SNX8: variants seen among roughly 807,000 people sequenced by gnomAD.
SNX8 encodes sorting nexin-8.
Under a neutral mutation model 51.6 loss-of-function variants are expected in SNX8, and 25 were observed. The ratio of observed to expected loss-of-function variants is 0.48; its 90% CI spans 0.35 to 0.68. The LOEUF (loss-of-function observed/expected upper bound fraction) is 0.68, where lower values mean the gene tolerates loss of function less well. Ranked by LOEUF, SNX8 falls within the 30% of genes least tolerant of loss-of-function variation. SNX8 has a pLI of 0.00. For synonymous variants in SNX8, 324 were observed against 277.0 expected, an observed-to-expected ratio of 1.17 and a Z score of -1.68; for missense variants, 695 against 624.0, an observed-to-expected ratio of 1.11 and a Z score of -1.21.
At chr7:2,281,033 TCCAC>T (rs1795894331) in intron 1 of SNX8, among the ~76,000 whole-genome samples, 1 of 152,066 alleles carries the variant, frequency 6.6e-6, no homozygotes, top group African/African-American at 2.4e-5. Flanking sequence ...CCTCAAATGA[TCCAC>T]CCACCTCAGC....
At chr7:2,256,320 G>C (rs546843074) in intron 10 of SNX8, among the ~76,000 whole-genome samples, 11 of 152,196 alleles carry the variant, frequency 7.2e-5, no homozygotes, top group Admixed American at 1.3e-4. Context: ...ACAGACCATG[G>C]CTTGAAAGCT....
rs1298028448 is a variant in SNX8 at position 2,264,379 on chromosome 7, T to A, written c.701A>T (p.Lys234Met). The change falls in exon 6 of 11, where the codon AAG (lysine) becomes ATG (methionine). Residue 234 changes from lysine (K) to methionine (M), a missense_variant. Lys to Met is a moderately conservative substitution (Grantham distance 95). Transcript: ENST00000222990. ...LIRNIYNSFH[K>M]LRDRAERIAS... ...GATCCGCTCGGCCCTGTCGCGAAGC[T>A]TGTGAAAGCTATTGTAGATGTTCCG... The A allele has an allele frequency of 4.3e-6, 7 of 1,612,986 alleles. No individual in the cohort carries two copies. The highest frequency in any genetic ancestry group is 5.1e-6 in the Non-Finnish European group (6 of 1,179,998).
intron 1 of SNX8, chr7:2,309,675 G>A (rs1398319253): frequency 5.0e-6 from 2 of 403,956 alleles, no homozygotes; most frequent in African/African-American, 4.2e-5. Flanking sequence ...AGGTTGCGGT[G>A]AGCCGAGATC....
Position 2,321,890 on chromosome 7 carries a change from A to C in SNX8, c.-66+32332T>G, listed in dbSNP as rs559333629. 5.3e-5 allele frequency among the ~76,000 whole-genome samples: 8 copies of C among 150,610 alleles called. No individual in the cohort carries two copies. In the South Asian group the frequency reaches 1.7e-3, roughly 32 times the overall value. On this transcript the variant is annotated intron_variant, in intron 1 of 5. Transcript: ENST00000435336. The stretch of plus-strand genomic sequence containing the variant: ...AGGCGCCCGCCACCATGTCCAGCTA[A>C]TTTTCGTATTTTTAGTAGAGACAAG...
chr7:2,347,861 C>G (rs892083890), intron 1 of SNX8, among the ~76,000 whole-genome samples: 10 of 150,978 alleles, frequency 6.6e-5, no homozygotes, highest in Admixed American at 2.0e-4. Context: ...CCAGGCTGGT[C>G]TGGAACTCCT....
At chr7:2,333,331 G>A (rs1391537975) in intron 1 of SNX8, among the ~76,000 whole-genome samples, 20 of 152,214 alleles carry the variant, frequency 1.3e-4, no homozygotes, top group Admixed American at 1.2e-3. Context: ...GGGAGGCTGA[G>A]GCGGGTGGAT....
At chr7:2,306,375 G>T (rs936897029) in intron 1 of SNX8, among the ~76,000 whole-genome samples, 6 of 151,432 alleles carry the variant, frequency 4.0e-5, no homozygotes, top group Non-Finnish European at 8.8e-5. Context: ...CTCCCAAAGT[G>T]CTGGGATTAC....
chr7:2,277,811 A>G (rs1164616175), intron 2 of SNX8, among the ~76,000 whole-genome samples: 8 of 69,072 alleles, frequency 1.2e-4, no homozygotes, highest in East Asian at 1.1e-3. Flanking sequence ...CACATCGGGG[A>G]AAAAAAAAAA....
rs937531819 is a variant in SNX8, at chr7:2,314,402, T to G, written c.20A>C (p.Asp7Ala). 3 of 1,218,778 alleles carry G rather than the reference T, an allele frequency of 2.5e-6. No homozygotes were observed. Among genetic ancestry groups the G allele is most frequent in the Non-Finnish European group, 3.1e-6 (3 of 979,390 alleles). 75.5% of individuals were successfully genotyped at this position (1,218,778 alleles called of 1,614,324 possible). ...CCCGACTGCAGCCGCGGGCAGCGGG[T>G]CCATCGCGCGGCCAGTCATGTGAGC... MTGRAM[D>A]PLPAAAVGAA... The change falls in exon 1 of 11, where the codon GAC becomes GCC. Residue 7 changes from aspartate (D) to alanine (A), a missense_variant. Transcript: ENST00000222990.
At chr7:2,321,427 CTT>C (rs903598248) in intron 1 of SNX8, among the ~76,000 whole-genome samples, 30 of 139,448 alleles carry the variant, frequency 2.2e-4, no homozygotes, top group Admixed American at 2.9e-4. Flanking sequence ...AATGGAATTT[CTT>C]TTTTTTTTTT....
intron 1 of SNX8, among the ~76,000 whole-genome samples, chr7:2,287,706 G>A (rs1016276418): frequency 1.2e-4 from 18 of 151,652 alleles, no homozygotes; most frequent in African/African-American, 4.4e-4. Flanking sequence ...AGCTGAGATC[G>A]CACCACACTG....
chr7:2,325,637 G>T (rs1418516143), intron 1 of SNX8, among the ~76,000 whole-genome samples: 1 of 151,892 alleles, frequency 6.6e-6, no homozygotes, highest in Non-Finnish European at 1.5e-5. Flanking sequence ...AGACCAGCTT[G>T]GGCAACATGG....
chr7:2,290,329 G>C (rs975676908), intron 1 of SNX8, among the ~76,000 whole-genome samples: 1 of 151,894 alleles, frequency 6.6e-6, no homozygotes. Context: ...AGTCAGACTC[G>C]GTCTCTACTA....
At chr7:2,268,925 C>T in intron 5 of SNX8, among the ~76,000 whole-genome samples, 1 of 123,054 alleles carries the variant, frequency 8.1e-6, no homozygotes, top group African/African-American at 3.0e-5. Context: ...GCCCCCCTGC[C>T]TGGCCAGCCG....
rs745553352 is a variant in SNX8 at position 2,256,952 on chromosome 7, C to T, written c.1206G>A (p.Gln402=). ...TGAGGGGCAGGTAGACGTGGATGAGCTGCGTCTCCTGGTGCAGGCAGTACA... is the reference window on the plus strand; with the variant it reads ...TGAGGGGCAGGTAGACGTGGATGAGTTGCGTCTCCTGGTGCAGGCAGTACA... ...FSLYCLHQET[Q]LIHVYLPLTS... The change falls in exon 10 of 11, where the codon CAG becomes CAA. Residue 402 remains glutamine, a synonymous_variant. Coordinates refer to ENST00000222990, the MANE Select transcript of SNX8 (RefSeq NM_013321.4). 5.6e-6 allele frequency: 9 copies of T among 1,613,712 alleles called. No individual in the cohort carries two copies. The East Asian group carries it at 1.3e-4, about 24-fold the overall frequency.
intron 1 of SNX8, among the ~76,000 whole-genome samples, chr7:2,352,236 C>T (rs1779159433): frequency 6.6e-6 from 1 of 152,012 alleles, no homozygotes; most frequent in Non-Finnish European, 1.5e-5. Flanking sequence ...CTAATAAGGA[C>T]ATCAATCACT....
In SNX8 at chr7:2,303,902, A is replaced by G. The variant is rs1035735397; in HGVS notation, c.94+10426T>C. On this transcript the variant is annotated intron_variant, in intron 1 of 10. Transcript: ENST00000222990. The stretch of plus-strand genomic sequence containing the variant: ...CCGACCTTCCCTCCACTATTGTCCT[A>G]TGACCCTGCCAAATCCCCCTCTGCG... Among the ~76,000 whole-genome samples the G allele has an allele frequency of 3.3e-5, 5 of 152,034 alleles. No individual in the cohort carries two copies. The East Asian group carries it at 5.8e-4, about 18-fold the overall frequency.
At chr7:2,298,108 T>G (rs1414226169) in intron 1 of SNX8, among the ~76,000 whole-genome samples, 1 of 151,920 alleles carries the variant, frequency 6.6e-6, no homozygotes, top group African/African-American at 2.4e-5. Context: ...GGGCCCAAGC[T>G]TTTCTTTATT....
At chr7:2,277,972 T>A in intron 2 of SNX8, 128 bp downstream of exon 2, 1 of 1,424,530 alleles carries the variant, frequency 7.0e-7, no homozygotes, top group Non-Finnish European at 9.3e-7. Flanking sequence ...TTCTGGATCT[T>A]GCCTGTAAGC....
Sources: allele counts gnomAD v4.1 joint callset (sites outside exome capture counted in the v4.1 genomes callset), GRCh38; gene constraint gnomAD v4.1.1; transcripts MANE v1.5; gene names NCBI Gene and HGNC (gene_info 2026-07-23, HGNC 2026-07-21).